SLC9C2: variants seen among roughly 807,000 people sequenced by gnomAD.
The protein encoded by SLC9C2 is sodium/hydrogen exchanger 11.
In SLC9C2, 75 loss-of-function variants were observed where a neutral mutation model predicts 140.2. The ratio of observed to expected loss-of-function variants is 0.53; its 90% CI spans 0.44 to 0.65. The LOEUF (loss-of-function observed/expected upper bound fraction) is 0.65, where lower values mean the gene tolerates loss of function less well. SLC9C2 is among the 30% of genes least tolerant of loss of function. The pLI is 0.00. For synonymous variants in SLC9C2, 375 were observed against 420.9 expected, an observed-to-expected ratio of 0.89 and a Z score of 1.34; for missense variants, 1,074 against 1,331.8, an observed-to-expected ratio of 0.81 and a Z score of 3.01.
At chr1:173,510,296 C>T (rs1659949456) in intron 23 of SLC9C2, among the ~76,000 whole-genome samples, 1 of 152,096 alleles carries the variant, frequency 6.6e-6, no homozygotes, top group African/African-American at 2.4e-5. Flanking sequence ...ATTGAGAATT[C>T]TTTGGCTCAT....
rs1358768456 is a variant in SLC9C2, at chr1:173,529,994, T to A, written c.2224A>T (p.Met742Leu). ...DVQIKKRLSL[M>L]YSITKGYIKS... ...ATATAGCCTTTTGTAATACTATACA[T>A]CAAGCTGAGGCGCTTTTTGATCTGC... is the stretch of plus-strand genomic sequence containing the variant. The change falls in exon 18 of 28, where the codon ATG becomes TTG. Residue 742 changes from methionine to leucine, a missense_variant. Physicochemically the swap from Met to Leu is conservative, Grantham distance 15 (BLOSUM62 2). Coordinates refer to ENST00000367714, the MANE Select transcript of SLC9C2 (RefSeq NM_178527.4). 6 of 1,613,536 alleles carry A rather than the reference T, an allele frequency of 3.7e-6. No individual in the cohort carries two copies. Among genetic ancestry groups the A allele is most frequent in the Non-Finnish European group, 5.1e-6 (6 of 1,179,848 alleles).
intron 23 of SLC9C2, among the ~76,000 whole-genome samples, chr1:173,510,999 T>G (rs1211214333): frequency 6.6e-6 from 1 of 151,668 alleles, no homozygotes; most frequent in African/African-American, 2.4e-5. Context: ...AAGCATCTAT[T>G]GTTTCCTGGA....
At chr1:173,560,683 G>A (rs1356193407) in intron 9 of SLC9C2, among the ~76,000 whole-genome samples, 1 of 152,148 alleles carries the variant, frequency 6.6e-6, no homozygotes, top group East Asian at 1.9e-4. Flanking sequence ...CCCAACCTAT[G>A]ACTCCTTTGA....
chr1:173,599,104 G>A (rs374059098), intron 3 of SLC9C2, among the ~76,000 whole-genome samples: 2 of 150,994 alleles, frequency 1.3e-5, no homozygotes, highest in East Asian at 1.9e-4. Context: ...CCTTTTATAA[G>A]CAGGTCTTTT....
At chr1:173,585,203 CT>C (rs1665777469) in intron 5 of SLC9C2, among the ~76,000 whole-genome samples, 2 of 152,008 alleles carry the variant, frequency 1.3e-5, no homozygotes, top group Admixed American at 1.3e-4. Flanking sequence ...AGACAATTTC[CT>C]TTTAACTTAC....
chr1:173,550,452 A>ATTTATTTTTTT (rs767649310), intron 11 of SLC9C2, among the ~76,000 whole-genome samples: 10 of 145,630 alleles, frequency 6.9e-5, no homozygotes, highest in African/African-American at 2.6e-4. Flanking sequence ...TTATTTATTT[A>ATTTATTTTTTT]TTTTTGAGGA....
chr1:173,538,487 G>A (rs955514887), intron 13 of SLC9C2, among the ~76,000 whole-genome samples: 1 of 152,186 alleles, frequency 6.6e-6, no homozygotes, highest in South Asian at 2.1e-4. Flanking sequence ...GGCAATGGAG[G>A]TATAGTCCAA....
At chr1:173,546,566 G>C (rs1198034092) in intron 13 of SLC9C2, among the ~76,000 whole-genome samples, 3 of 152,222 alleles carry the variant, frequency 2.0e-5, no homozygotes, top group East Asian at 1.9e-4. Flanking sequence ...GGATGACAGA[G>C]TCAGACTTTG....
intron 14 of SLC9C2, among the ~76,000 whole-genome samples, chr1:173,536,502 G>A (rs2102006419): frequency 6.6e-6 from 1 of 152,230 alleles, no homozygotes; most frequent in South Asian, 2.1e-4. Flanking sequence ...CCAGCAGTTG[G>A]GTCAATTCTT....
In SLC9C2 at chr1:173,537,035, C is replaced by T. The variant is rs776248876; in HGVS notation, c.1562G>A (p.Ser521Asn). The T allele has an allele frequency of 1.2e-6, 2 of 1,610,658 alleles. No homozygotes were observed. Among genetic ancestry groups the T allele is most frequent in the South Asian group, 1.1e-5 (1 of 90,864 alleles). The change falls in exon 14 of 28, where the codon AGC (serine) becomes AAC (asparagine). Residue 521 changes from serine (S) to asparagine (N), a missense_variant. Ser to Asn is a conservative substitution (Grantham distance 46). Coordinates refer to ENST00000367714, the MANE Select transcript of SLC9C2 (RefSeq NM_178527.4). ...RLHVAAIQMS[S>N]FEKQRNNGIL... ...TCCATTGTTACGCTGTTTTTCAAAGCTACTCTAAACATACATTAAATGAAG... is the reference window on the plus strand; with the variant it reads ...TCCATTGTTACGCTGTTTTTCAAAGTTACTCTAAACATACATTAAATGAAG...
chr1:173,516,572 TTC>T (rs1161000269), intron 23 of SLC9C2, among the ~76,000 whole-genome samples: 1 of 152,218 alleles, frequency 6.6e-6, no homozygotes, highest in Non-Finnish European at 1.5e-5. Flanking sequence ...ATATTTGGCT[TTC>T]TGTTCCTGCA....
rs1661790513 is a variant in SLC9C2, at chr1:173,534,289, G to A, written c.1974+195C>T. Among the ~76,000 whole-genome samples, 3 of 151,978 alleles carry A rather than the reference G, an allele frequency of 2.0e-5. No homozygotes were observed. In the South Asian group the frequency reaches 6.2e-4, roughly 31 times the overall value. On this transcript the variant is annotated intron_variant, in intron 16 of 27. Coordinates refer to ENST00000367714, the MANE Select transcript of SLC9C2 (RefSeq NM_178527.4). ...TCTACTTTTATGATACTTAACTGAT[G>A]TCCAATACCATGACTCTTATACTAA...
At chr1:173,553,614 A>T (rs1348702049) in intron 11 of SLC9C2, among the ~76,000 whole-genome samples, 2 of 152,182 alleles carry the variant, frequency 1.3e-5, no homozygotes, top group East Asian at 3.8e-4. Context: ...GCAAGAAAGC[A>T]TTTTTTCATT....
In SLC9C2 at chr1:173,524,917, C is replaced by T. The variant is rs1661090582; in HGVS notation, c.2376G>A (p.Glu792=). ...CAATGACAACATCACGACCCTCATG[C>T]TCCATGAGTACTACAGCAAAGAAAA... ...QDAVKELVLM[E]HEGRDVVIAL... is the part of the protein sequence containing the mutation. Residue 792 remains glutamate, a synonymous_variant, in exon 20 of 28, where the codon GAG becomes GAA. Transcript: ENST00000367714. 1 of 1,613,958 alleles carries T rather than the reference C, an allele frequency of 6.2e-7. No homozygotes were observed. The highest frequency in any genetic ancestry group is 8.5e-7 in the Non-Finnish European group (1 of 1,179,908).
At chr1:173,526,149 CA>C (rs112458848) in intron 19 of SLC9C2, among the ~76,000 whole-genome samples, 12,570 of 152,138 alleles carry the variant, frequency 0.083, 1,730 homozygotes, top group African/African-American at 0.29. Flanking sequence ...AAAGCTGACC[CA>C]AAAAAACTTG....
intron 9 of SLC9C2, among the ~76,000 whole-genome samples, chr1:173,560,714 G>A (rs17346688): frequency 0.059 from 8,963 of 152,236 alleles, 392 homozygotes; most frequent in Non-Finnish European, 0.079. Context: ...CTAGCACAGA[G>A]CAGGCTTTGC....
At chr1:173,584,304 C>T (rs991746358) in intron 5 of SLC9C2, among the ~76,000 whole-genome samples, 1 of 152,118 alleles carries the variant, frequency 6.6e-6, no homozygotes, top group African/African-American at 2.4e-5. Flanking sequence ...TAGACAGATA[C>T]ATAGAAACCA....
chr1:173,577,674 C>T (rs1408460498), intron 7 of SLC9C2, among the ~76,000 whole-genome samples: 1 of 152,110 alleles, frequency 6.6e-6, no homozygotes, highest in Non-Finnish European at 1.5e-5. Context: ...ATAGTTATGA[C>T]TCATACAGTT....
chr1:173,569,397 G>C (rs1664699717), intron 9 of SLC9C2, among the ~76,000 whole-genome samples: 1 of 151,790 alleles, frequency 6.6e-6, no homozygotes, highest in African/African-American at 2.4e-5. Context: ...GTGATCTTTG[G>C]CAGTTTGATT....
Sources: allele counts gnomAD v4.1 joint callset (sites outside exome capture counted in the v4.1 genomes callset), GRCh38; gene constraint gnomAD v4.1.1; transcripts MANE v1.5; gene names NCBI Gene and HGNC (gene_info 2026-07-23, HGNC 2026-07-21).